The following NHSL2 variants were observed in gnomAD, a reference collection of about 807,000 sequenced individuals.
NHSL2 encodes NHS like 2.
NHSL2 carries 27 observed loss-of-function variants against 53.4 expected under a neutral mutation model. The ratio of observed to expected loss-of-function variants is 0.51; its 90% CI spans 0.37 to 0.70. The LOEUF is 0.70. Ranked by LOEUF, NHSL2 falls within the 30% of genes least tolerant of loss-of-function variation. The pLI is 0.00. For synonymous variants in NHSL2, 408 were observed against 404.1 expected (o/e 1.01, Z -0.12); for missense variants, 892 against 980.1 (o/e 0.91, Z 1.20).
intron 1 of NHSL2, among the ~76,000 whole-genome samples, chrX:71,957,905 G>A (rs186399774): frequency 8.9e-5 from 10 of 111,792 alleles, no homozygotes; most frequent in East Asian, 8.5e-4. Context: ...TGTTACACAC[G>A]ACAGAATGTG....
In NHSL2 at chrX:71,970,933, C is replaced by T. The variant is rs140401140; in HGVS notation, c.280+59566C>T. On this transcript the variant is annotated intron_variant, in intron 1 of 7. Coordinates refer to ENST00000633930, the MANE Select transcript of NHSL2 (RefSeq NM_001013627.3). ...TAGTAGTTAGGACTACAGGTGTGCG[C>T]CACCATGCTGGGTTAATTTTTTAAT... 7.7e-4 allele frequency among the ~76,000 whole-genome samples: 86 copies of T among 111,275 alleles called. No individual in the cohort carries two copies. The East Asian group carries it at 0.022, about 29-fold the overall frequency.
chrX:71,963,999 A>ATATG (rs1491186994), intron 1 of NHSL2, among the ~76,000 whole-genome samples: 1 of 39,388 alleles, frequency 2.5e-5, no homozygotes, highest in African/African-American at 1.2e-4. Flanking sequence ...ATATGTATAT[A>ATATG]CATATATATA....
At position 72,144,710 on chromosome X, in the gene NHSL2, A is replaced by ACACACACACACG. The variant is rs1249874716; in HGVS notation, c.*1147_*1148insGCACACACACAC. The ACACACACACACG allele has an allele frequency of 1.6e-4, 2 of 12,868 alleles. No individual in the cohort carries two copies. Among genetic ancestry groups the ACACACACACACG allele is most frequent in the Non-Finnish European group, 1.4e-3 (2 of 1,428 alleles). 1.1% of individuals were successfully genotyped at this position (12,868 alleles called of 1,213,427 possible). A position where few individuals can be genotyped will look rare whatever the true frequency, so the allele number is the denominator to read the frequency against. On this transcript the variant is annotated 3_prime_UTR_variant, in exon 8 of 8. Coordinates refer to ENST00000633930, the MANE Select transcript of NHSL2 (RefSeq NM_001013627.3). ...AGTTGCTATGGCCCATAATGCACAC[A>ACACACACACACG]CACACACACACACACACACACACAC...
intron 1 of NHSL2, among the ~76,000 whole-genome samples, chrX:72,039,810 A>T (rs1383959915): frequency 3.6e-5 from 4 of 111,730 alleles, no homozygotes; most frequent in Non-Finnish European, 7.5e-5. Flanking sequence ...AGTACATGAC[A>T]TACCCTTGGT....
intron 1 of NHSL2, among the ~76,000 whole-genome samples, chrX:71,963,972 T>TATACAC (rs1393598950): frequency 2.3e-5 from 1 of 42,694 alleles, no homozygotes; most frequent in East Asian, 8.3e-4. Flanking sequence ...CATATATATA[T>TATACAC]ACATATATAT....
chrX:72,140,363 G>A lies in NHSL2; in HGVS notation c.2815G>A (p.Gly939Arg), dbSNP rs1330890932. Residue 939 changes from glycine (G) to arginine (R), a missense_variant, in exon 6 of 8, where the codon GGG (glycine) becomes AGG (arginine). Physicochemically the swap from Gly to Arg is moderately radical, Grantham distance 125 (BLOSUM62 -2). Transcript: ENST00000633930. ...PSSFPDGRSPGESTAPSSLVF... is the reference protein window; with the variant it reads ...PSSFPDGRSPRESTAPSSLVF... Reference sequence around the variant, plus strand: ...CAGCTTCCCAGATGGCAGAAGCCCAGGGGAGTCAACAGCACCCTCATCTCT... The same window carrying A: ...CAGCTTCCCAGATGGCAGAAGCCCAAGGGAGTCAACAGCACCCTCATCTCT... The A allele has an allele frequency of 8.3e-7, 1 of 1,211,229 alleles. No homozygotes were observed. Among genetic ancestry groups the A allele is most frequent in the Admixed American group, 2.2e-5 (1 of 46,017 alleles).
At chrX:72,040,497 C>G (rs1479512216) in intron 1 of NHSL2, among the ~76,000 whole-genome samples, 1 of 112,101 alleles carries the variant, frequency 8.9e-6, no homozygotes, top group Non-Finnish European at 1.9e-5. Flanking sequence ...GTTACTTGCC[C>G]TGGATCCCAG....
chrX:71,983,583 C>T (rs184173427), intron 1 of NHSL2, among the ~76,000 whole-genome samples: 17 of 110,166 alleles, frequency 1.5e-4, no homozygotes, highest in Middle Eastern at 4.7e-3. Flanking sequence ...TGTTCTGTAG[C>T]CTAGGCAACA....
At chrX:72,110,057 G>T (rs1287230339) in intron 1 of NHSL2, among the ~76,000 whole-genome samples, 3 of 111,634 alleles carry the variant, frequency 2.7e-5, no homozygotes, top group Non-Finnish European at 5.6e-5. Context: ...CCCCAAGGAT[G>T]CCGGGAACAG....
chrX:71,936,080 G>T (rs962590398), intron 1 of NHSL2, among the ~76,000 whole-genome samples: 1 of 112,251 alleles, frequency 8.9e-6, no homozygotes, highest in African/African-American at 3.2e-5. Context: ...GGCATCATAA[G>T]CCTATTTGAC....
intron 1 of NHSL2, among the ~76,000 whole-genome samples, chrX:72,026,279 C>G (rs2042185269): frequency 8.9e-6 from 1 of 112,010 alleles, no homozygotes; most frequent in Admixed American, 9.4e-5. Flanking sequence ...GAATCTGACT[C>G]TAGGGATGGG....
intron 1 of NHSL2, among the ~76,000 whole-genome samples, chrX:71,926,051 A>G (rs1414796677): frequency 1.8e-5 from 2 of 111,962 alleles, no homozygotes; most frequent in Non-Finnish European, 3.8e-5. Context: ...TGAGATTAAA[A>G]AAAGAGTTAA....
At chrX:71,978,086 TG>T (rs1277365199) in intron 1 of NHSL2, among the ~76,000 whole-genome samples, 1 of 112,361 alleles carries the variant, frequency 8.9e-6, no homozygotes, top group African/African-American at 3.2e-5. Flanking sequence ...ATCATGGGGT[TG>T]TTATGAGGAT....
chrX:71,960,735 T>C (rs1853236451), intron 1 of NHSL2, among the ~76,000 whole-genome samples: 1 of 112,282 alleles, frequency 8.9e-6, no homozygotes, highest in African/African-American at 3.2e-5. Flanking sequence ...TCCATTTGTT[T>C]ATGTCTTTCT....
chrX:72,104,511 G>A (rs2042022557), intron 1 of NHSL2, among the ~76,000 whole-genome samples: 1 of 111,439 alleles, frequency 9.0e-6, no homozygotes, highest in South Asian at 3.8e-4. Context: ...GGAAGGCCTT[G>A]AGTATGAAGA....
Position 72,143,162 on chromosome X carries a change from G to C in NHSL2, c.3357-91G>C, listed in dbSNP as rs1036801380. 30 of 621,361 alleles carry C rather than the reference G, an allele frequency of 4.8e-5. No individual in the cohort carries two copies. The African/African-American group carries it at 5.7e-4, about 12-fold the overall frequency. The allele number at this position is 621,361 out of a possible 1,213,427, so 51.2% of individuals were successfully genotyped here. A position where few individuals can be genotyped will look rare whatever the true frequency, so the allele number is the denominator to read the frequency against. Reference sequence around the variant, plus strand: ...CAATACGGCTGCTTGCAGGGCTGCCGCCTGGATTGTGTCACAGGCATGGGG... The same window carrying C: ...CAATACGGCTGCTTGCAGGGCTGCCCCCTGGATTGTGTCACAGGCATGGGG... On this transcript the variant is annotated intron_variant, in intron 7 of 7. Coordinates refer to ENST00000633930, the MANE Select transcript of NHSL2 (RefSeq NM_001013627.3).
At chrX:72,013,616 G>A (rs1386199987) in intron 1 of NHSL2, among the ~76,000 whole-genome samples, 3 of 106,649 alleles carry the variant, frequency 2.8e-5, no homozygotes, top group Non-Finnish European at 5.8e-5. Flanking sequence ...AGAGATCCTT[G>A]CCTTGTTTCC....
intron 1 of NHSL2, among the ~76,000 whole-genome samples, chrX:71,937,220 CA>C (rs2041743403): frequency 9.0e-6 from 1 of 111,203 alleles, no homozygotes; most frequent in African/African-American, 3.3e-5. Flanking sequence ...TTGTGGAGAA[CA>C]AAAAGGTGGA....
At position 71,986,309 on chromosome X, in the gene NHSL2, T is replaced by C. The variant is rs775787339; in HGVS notation, c.280+74942T>C. On this transcript the variant is annotated intron_variant, in intron 1 of 7. Transcript: ENST00000633930. The stretch of plus-strand genomic sequence containing the variant: ...TATTAAAGGCTTAAGTCACTTGATA[T>C]TATAAAAAGAATCCCAGGTCACCGT... Among the ~76,000 whole-genome samples the C allele has an allele frequency of 6.3e-5, 7 of 111,984 alleles. No homozygotes were observed. In the South Asian group the frequency reaches 2.6e-3, roughly 41 times the overall value.
Sources: gnomAD v4.1 joint callset for allele counts (sites outside exome capture counted in the v4.1 genomes callset) on GRCh38, gnomAD v4.1.1 for gene constraint, MANE v1.5 for transcripts, NCBI Gene and HGNC (gene_info 2026-07-23, HGNC 2026-07-21) for gene names.